Variants in ADGRL3 observed in about 807,000 individuals in gnomAD.
ADGRL3 encodes the protein calcium-independent alpha-latrotoxin receptor 3.
Under a neutral mutation model 153.5 loss-of-function variants are expected in ADGRL3, and 62 were observed. That is an observed-to-expected ratio of 0.40 (90% CI 0.33 to 0.50). ADGRL3 has a LOEUF of 0.50. Among genes scored for constraint, ADGRL3 ranks in the 20% least tolerant of loss-of-function variants. The pLI, the probability that ADGRL3 is intolerant of heterozygous loss-of-function variation, is 0.47. For missense variants in ADGRL3, 1,641 were observed against 1,859.4 expected (o/e 0.88, Z 2.16); for synonymous variants, 710 against 672.5 (o/e 1.06, Z -0.86).
At chr4:62,057,458 G>A (rs1394025921) in intron 25 of ADGRL3, among the ~76,000 whole-genome samples, 1 of 152,030 alleles carries the variant, frequency 6.6e-6, no homozygotes, top group Non-Finnish European at 1.5e-5. Flanking sequence ...AAAAAGAAGA[G>A]AACTTTCTTA....
chr4:61,917,138 A>G (rs2098748747), intron 13 of ADGRL3, among the ~76,000 whole-genome samples: 1 of 152,158 alleles, frequency 6.6e-6, no homozygotes, highest in South Asian at 2.1e-4. Flanking sequence ...CTTTCACAAG[A>G]TCACACAATA....
Position 61,698,472 on chromosome 4 carries a change from C to CA in ADGRL3, c.583+21539dup, listed in dbSNP as rs879672462. Among the ~76,000 whole-genome samples the CA allele has an allele frequency of 5.6e-3, 857 of 152,030 alleles. 4 individuals are homozygous for CA. Among genetic ancestry groups the CA allele is most frequent in the African/African-American group, 0.02 (815 of 41,424 alleles). On this transcript the variant is annotated intron_variant, in intron 6 of 26. Transcript: ENST00000683033. Reference sequence around the variant, plus strand: ...CTCAAACAAACAACAACAACAACAACAACAACAAAAACAAATACAAAAATA... The same window carrying CA: ...CTCAAACAAACAACAACAACAACAACAAACAACAAAAACAAATACAAAAATA...
intron 8 of ADGRL3, among the ~76,000 whole-genome samples, chr4:61,764,748 T>C (rs1196956630): frequency 6.6e-6 from 1 of 151,964 alleles, no homozygotes; most frequent in Non-Finnish European, 1.5e-5. Context: ...GTTGAAGTGT[T>C]GGGGCGGTGA....
At chr4:61,535,077 C>T (rs1055359233) in intron 4 of ADGRL3, among the ~76,000 whole-genome samples, 1 of 150,052 alleles carries the variant, frequency 6.7e-6, no homozygotes, top group African/African-American at 2.5e-5. Context: ...ATTAGTTTGT[C>T]ATATATGGCT....
chr4:61,370,418 TG>T (rs2096496870), intron 1 of ADGRL3, among the ~76,000 whole-genome samples: 2 of 151,880 alleles, frequency 1.3e-5, no homozygotes. Context: ...CCAGAGATTC[TG>T]GTATGTTGTG....
At chr4:61,371,350 A>T (rs1268571844) in intron 1 of ADGRL3, among the ~76,000 whole-genome samples, 1 of 151,004 alleles carries the variant, frequency 6.6e-6, no homozygotes, top group East Asian at 2.0e-4. Context: ...TTTTGGCATG[A>T]TTTTGCAGCG....
chr4:62,009,323 T>G (rs1165903315), intron 21 of ADGRL3, among the ~76,000 whole-genome samples: 10 of 152,138 alleles, frequency 6.6e-5, no homozygotes, highest in Non-Finnish European at 1.3e-4. Flanking sequence ...GCAACACAAT[T>G]CATTTTCTTC....
chr4:61,871,179 A>G (rs34114471), intron 9 of ADGRL3, among the ~76,000 whole-genome samples: 5,749 of 151,948 alleles, frequency 0.038, 129 homozygotes, highest in South Asian at 0.074. Flanking sequence ...TCAGCAGGCT[A>G]AGGCAGGAGA....
chr4:61,323,910 A>G (rs2095415107), intron 1 of ADGRL3, among the ~76,000 whole-genome samples: 1 of 152,170 alleles, frequency 6.6e-6, no homozygotes, highest in South Asian at 2.1e-4. Context: ...CACTGCTGAT[A>G]AGACATACTC....
chr4:62,029,091 C>T (rs954399258), intron 22 of ADGRL3, among the ~76,000 whole-genome samples: 1 of 151,744 alleles, frequency 6.6e-6, no homozygotes, highest in Admixed American at 6.6e-5. Flanking sequence ...TGCTTCACCT[C>T]TGTTAATTGG....
intron 17 of ADGRL3, among the ~76,000 whole-genome samples, chr4:61,951,999 A>T (rs1181747908): frequency 6.6e-6 from 1 of 152,222 alleles, no homozygotes; most frequent in African/African-American, 2.4e-5. Context: ...TTTCAGATAT[A>T]CTAGGATACA....
chr4:62,022,717 G>T lies in ADGRL3; in HGVS notation c.3396-6138G>T, dbSNP rs557188543. The stretch of plus-strand genomic sequence containing the variant: ...TGTGCTCTATAAATGGAACAACAAA[G>T]CCTGCATGACAGCACACCTGTTTAC... On this transcript the variant is annotated intron_variant, in intron 21 of 26. Coordinates refer to ENST00000683033, the MANE Select transcript of ADGRL3 (RefSeq NM_001387552.1). Among the ~76,000 whole-genome samples the T allele has an allele frequency of 5.3e-5, 8 of 151,638 alleles. No homozygotes were observed. The East Asian group carries it at 1.6e-3, about 30-fold the overall frequency.
Position 62,007,457 on chromosome 4 carries a change from C to CATATATAT in ADGRL3, c.3395+9198_3395+9199insATATATAT, listed in dbSNP as rs1287283695. 2.9e-5 allele frequency among the ~76,000 whole-genome samples: 3 copies of CATATATAT among 103,734 alleles called. No individual in the cohort carries two copies. In the Admixed American group the frequency reaches 3.1e-4, roughly 11 times the overall value. 68.1% of individuals were successfully genotyped at this position (103,734 alleles called of 152,430 possible). A position where few individuals can be genotyped will look rare whatever the true frequency, so the allele number is the denominator to read the frequency against. On this transcript the variant is annotated intron_variant, in intron 21 of 26. Coordinates refer to ENST00000683033, the MANE Select transcript of ADGRL3 (RefSeq NM_001387552.1). ...ATATATATACACACACATATATATA[C>CATATATAT]ATATATGTGTGTGTATATATATATA...
At position 61,973,375 on chromosome 4, in the gene ADGRL3, G is replaced by A. The variant is rs539315743; in HGVS notation, c.2806-6188G>A. On this transcript the variant is annotated intron_variant, in intron 17 of 26. Coordinates refer to ENST00000683033, the MANE Select transcript of ADGRL3 (RefSeq NM_001387552.1). ...CCTTTCCTCCCATCACTCCACTTTC[G>A]AGGTATGTGAGTGCTCAGTGACAAA... Among the ~76,000 whole-genome samples the A allele has an allele frequency of 1.9e-3, 291 of 151,890 alleles. 10 individuals carry two copies. Among genetic ancestry groups the A allele is most frequent in the Admixed American group, 0.019 (283 of 15,228 alleles).
chr4:61,495,475 A>T (rs2098303890), intron 2 of ADGRL3, among the ~76,000 whole-genome samples: 1 of 150,322 alleles, frequency 6.7e-6, no homozygotes, highest in East Asian at 2.0e-4. Flanking sequence ...AGGGAGGAGG[A>T]AGGAAGGAAG....
intron 1 of ADGRL3, among the ~76,000 whole-genome samples, chr4:61,303,229 T>C (rs957579943): frequency 6.6e-6 from 1 of 152,214 alleles, no homozygotes; most frequent in Non-Finnish European, 1.5e-5. Flanking sequence ...ATGCCTACTT[T>C]GAAAGCCCAG....
intron 2 of ADGRL3, among the ~76,000 whole-genome samples, chr4:61,471,248 G>T (rs1477950145): frequency 6.6e-6 from 1 of 151,504 alleles, no homozygotes; most frequent in Non-Finnish European, 1.5e-5. Flanking sequence ...GAACTATAAA[G>T]CTTTAAGTGT....
At chr4:61,634,962 A>T (rs768122046) in intron 5 of ADGRL3, among the ~76,000 whole-genome samples, 4 of 152,164 alleles carry the variant, frequency 2.6e-5, no homozygotes, top group Non-Finnish European at 5.9e-5. Context: ...TCTCTTTTCC[A>T]TTCATCTTCA....
chr4:61,509,042 C>G (rs531330234), intron 3 of ADGRL3, among the ~76,000 whole-genome samples: 1 of 151,968 alleles, frequency 6.6e-6, no homozygotes, highest in Non-Finnish European at 1.5e-5. Flanking sequence ...CCCACGGGTT[C>G]CATCCCACAA....
Sources: allele counts gnomAD v4.1 joint callset (sites outside exome capture counted in the v4.1 genomes callset), GRCh38; gene constraint gnomAD v4.1.1; transcripts MANE v1.5; gene names NCBI Gene and HGNC (gene_info 2026-07-23, HGNC 2026-07-21).